CRYBG3: variants seen among roughly 807,000 people sequenced by gnomAD.
CRYBG3 encodes crystallin beta-gamma domain containing 3.
CRYBG3 carries 127 observed loss-of-function variants against 244.2 expected under a neutral mutation model. The ratio of observed to expected loss-of-function variants is 0.52; its 90% CI spans 0.45 to 0.60. The LOEUF (loss-of-function observed/expected upper bound fraction) is 0.60. Ranked by LOEUF, CRYBG3 falls within the 20% of genes least tolerant of loss-of-function variation. CRYBG3 has a pLI of 0.00. For missense variants in CRYBG3, 3,325 were observed against 3,442.5 expected, an observed-to-expected ratio of 0.97 and a Z score of 0.85; for synonymous variants, 1,132 against 1,195.8, an observed-to-expected ratio of 0.95 and a Z score of 1.10.
At position 97,890,615 on chromosome 3, in the gene CRYBG3, G is replaced by C. The variant is rs16838976; in HGVS notation, c.7440+1225G>C. Among the ~76,000 whole-genome samples the C allele has an allele frequency of 0.02, 3,014 of 152,214 alleles. 175 individuals carry two copies. In the East Asian group the frequency reaches 0.23, roughly 12 times the overall value. ...ATAAAACTTTGTCATCTCAAATATAGTACCCTGTGCAAACCTAACATGGAA... is the reference window on the plus strand; with the variant it reads ...ATAAAACTTTGTCATCTCAAATATACTACCCTGTGCAAACCTAACATGGAA... On this transcript the variant is annotated intron_variant, in intron 10 of 21. Coordinates refer to ENST00000389622, the MANE Select transcript of CRYBG3 (RefSeq NM_153605.4).
Position 97,941,324 on chromosome 3 carries a change from T to C in CRYBG3, c.8664+18T>C, listed in dbSNP as rs555000340. 9.3e-5 allele frequency: 147 copies of C among 1,573,202 alleles called. No homozygotes were observed. The highest frequency in any genetic ancestry group is 1.1e-4 in the Non-Finnish European group (130 of 1,155,338). On this transcript the variant is annotated intron_variant, in intron 20 of 21. Transcript: ENST00000389622. The stretch of plus-strand genomic sequence containing the variant: ...AATCCAAGGTAAGCAATCCCACTGA[T>C]ACAGTATGCCACTTTCTGGTCTGTT...
At chr3:97,942,134 CT>C in intron 20 of CRYBG3, 149 bp from the exon 21 acceptor site, 1 of 523,204 alleles carries the variant, frequency 1.9e-6, no homozygotes, top group East Asian at 3.3e-5. Context: ...TTAAAAAAGG[CT>C]TACTGAAATT....
intron 3 of CRYBG3, among the ~76,000 whole-genome samples, chr3:97,869,317 T>C (rs2039273624): frequency 6.6e-6 from 1 of 152,170 alleles, no homozygotes; most frequent in African/African-American, 2.4e-5. Flanking sequence ...GAATAAAACA[T>C]GATACATTAT....
In CRYBG3 at chr3:97,898,957, G is replaced by A. The variant is rs1293944314; in HGVS notation, c.7776G>A (p.Gln2592=). 1 of 1,612,486 alleles carries A rather than the reference G, an allele frequency of 6.2e-7. No individual in the cohort carries two copies. The highest frequency in any genetic ancestry group is 8.5e-7 in the Non-Finnish European group (1 of 1,179,012). The change falls in exon 13 of 22, where the codon CAG becomes CAA. Residue 2592 remains glutamine, a synonymous_variant. Coordinates refer to ENST00000389622, the MANE Select transcript of CRYBG3 (RefSeq NM_153605.4). ...ESGKFIDITN[Q]EISDLEEIGF... ...GGAAGTTTATTGACATTACAAATCA[G>A]GAAATTTCTGATTTGGAAGAAATTG... is the stretch of plus-strand genomic sequence containing the variant.
intron 1 of CRYBG3, among the ~76,000 whole-genome samples, chr3:97,831,402 A>G (rs2038651749): frequency 6.6e-6 from 1 of 152,126 alleles, no homozygotes; most frequent in Admixed American, 6.6e-5. Flanking sequence ...AGATAAGAGA[A>G]CTTCAGAGAA....
intron 2 of CRYBG3, among the ~76,000 whole-genome samples, chr3:97,858,598 T>C (rs1559721216): frequency 6.6e-6 from 1 of 152,158 alleles, no homozygotes; most frequent in Non-Finnish European, 1.5e-5. Flanking sequence ...ATCTAATCTA[T>C]TATTGATACT....
At position 97,899,223 on chromosome 3, in the gene CRYBG3, G is replaced by T. The variant is rs748619719; in HGVS notation, c.7931G>T (p.Gly2644Val). Residue 2644 changes from glycine to valine, a missense_variant, in exon 14 of 22, where the codon GGA (glycine) becomes GTA (valine). Coordinates refer to ENST00000389622, the MANE Select transcript of CRYBG3 (RefSeq NM_153605.4). ...GKYKCFFDWG[G>V]SNNIIMSIRP... ...TACAAATGCTTTTTTGACTGGGGAG[G>T]ATCAAATAATATAATCATGTCGATA... The T allele has an allele frequency of 2.5e-6, 4 of 1,613,646 alleles. No individual in the cohort carries two copies. The highest frequency in any genetic ancestry group is 1.3e-5 in the African/African-American group (1 of 74,990).
chr3:97,889,525 G>A (rs540388680), intron 10 of CRYBG3, 135 bp downstream of exon 10: 3 of 721,590 alleles, frequency 4.2e-6, no homozygotes, highest in Admixed American at 4.7e-5. Context: ...GGGGAGGTGG[G>A]AAGTGAATGC....
At chr3:97,902,494 TAA>T (rs35061161) in intron 15 of CRYBG3, among the ~76,000 whole-genome samples, 4 of 146,774 alleles carry the variant, frequency 2.7e-5, no homozygotes, top group Non-Finnish European at 4.5e-5. Flanking sequence ...TTATTTCTTC[TAA>T]AAAAAAAAAG....
At chr3:97,899,746 A>G (rs749937203) in intron 14 of CRYBG3, among the ~76,000 whole-genome samples, 4 of 152,136 alleles carry the variant, frequency 2.6e-5, no homozygotes, top group Non-Finnish European at 5.9e-5. Context: ...GATAAAACCA[A>G]TTTTTCTAGG....
chr3:97,928,821 A>G (rs1040912403), intron 17 of CRYBG3, among the ~76,000 whole-genome samples: 2 of 151,952 alleles, frequency 1.3e-5, no homozygotes, highest in African/African-American at 4.8e-5. Flanking sequence ...TGACTAGGAA[A>G]AAAATTTTTG....
intron 2 of CRYBG3, among the ~76,000 whole-genome samples, chr3:97,863,834 A>G (rs1489446151): frequency 6.6e-6 from 1 of 152,110 alleles, no homozygotes; most frequent in Admixed American, 6.5e-5. Context: ...TTAGGAGCTG[A>G]CACCTCACTA....
intron 10 of CRYBG3, among the ~76,000 whole-genome samples, chr3:97,889,951 G>A (rs1424000511): frequency 2.6e-5 from 4 of 152,102 alleles, no homozygotes; most frequent in Non-Finnish European, 4.4e-5. Context: ...AGAGAGAGAA[G>A]GCAAACCAGT....
In CRYBG3 at chr3:97,822,213, A is replaced by G. The variant is rs2038509909; in HGVS notation, c.7A>G (p.Ser3Gly). The G allele has an allele frequency of 1.3e-6, 2 of 1,521,502 alleles. No homozygotes were observed. The highest frequency in any genetic ancestry group is 2.8e-5 in the African/African-American group (2 of 72,268). 94.3% of individuals were successfully genotyped at this position (1,521,502 alleles called of 1,614,324 possible). ...CCAGCGGCCCCCTCGGGAAATGTCC[A>G]GCGGCCGCAGAAGGGGCAGCGCCCC... MS[S>G]GRRRGSAPWH... Residue 3 changes from serine (S) to glycine (G), a missense_variant, in exon 1 of 22, where the codon AGC becomes GGC. This residue lies in a region of CRYBG3 where 1,526 missense variants were observed against 1,443.2 expected (regional missense o/e 1.06). Coordinates refer to ENST00000389622, the MANE Select transcript of CRYBG3 (RefSeq NM_153605.4).
chr3:97,838,000 G>A (rs2038758328), intron 1 of CRYBG3, among the ~76,000 whole-genome samples: 1 of 152,090 alleles, frequency 6.6e-6, no homozygotes, highest in African/African-American at 2.4e-5. Context: ...TCCACTGAGT[G>A]TACCCTTTGT....
chr3:97,876,025 G>A lies in CRYBG3; in HGVS notation c.4831G>A (p.Gly1611Arg). 2 of 1,231,980 alleles carry A rather than the reference G, an allele frequency of 1.6e-6. No homozygotes were observed. The highest frequency in any genetic ancestry group is 2.0e-6 in the Non-Finnish European group (2 of 987,922). The allele number at this position is 1,231,980 out of a possible 1,614,324, so 76.3% of individuals were successfully genotyped here. Residue 1611 changes from glycine (G) to arginine (R), a missense_variant, in exon 4 of 22, where the codon GGA becomes AGA. This residue lies in a region of CRYBG3 where 635 missense variants were observed against 771.7 expected (regional missense o/e 0.82). Transcript: ENST00000389622. ...CGAGAGCTGTATTGAAAAAACTGAG[G>A]GATCAGCTGTCATTTTAGGAATGGA... ...DAESCIEKTE[G>R]SAVILGMEKA...
At chr3:97,882,032 A>C (rs758465661) in intron 7 of CRYBG3, among the ~76,000 whole-genome samples, 4 of 151,832 alleles carry the variant, frequency 2.6e-5, no homozygotes, top group Non-Finnish European at 5.9e-5. Flanking sequence ...AACATGGTGA[A>C]ACCCTGTCTC....
rs571102461 is a variant in CRYBG3, at chr3:97,838,547, C to T, written c.150-4648C>T. On this transcript the variant is annotated intron_variant, in intron 1 of 21. Coordinates refer to ENST00000389622, the MANE Select transcript of CRYBG3 (RefSeq NM_153605.4). ...AAATCTGTTTGAGAAACATAGATGC[C>T]TCAGGTGATTCTGATGCATATAGAC... 2.0e-5 allele frequency among the ~76,000 whole-genome samples: 3 copies of T among 152,148 alleles called. No homozygotes were observed. The East Asian group carries it at 5.8e-4, about 30-fold the overall frequency.
chr3:97,927,977 AC>A (rs1382437492), intron 17 of CRYBG3, among the ~76,000 whole-genome samples: 1 of 152,100 alleles, frequency 6.6e-6, no homozygotes, highest in African/African-American at 2.4e-5. Context: ...TAGTTCATCC[AC>A]TGTGGCAAGC....
Sources: allele counts gnomAD v4.1 joint callset (sites outside exome capture counted in the v4.1 genomes callset), GRCh38; gene constraint gnomAD v4.1.1; regional missense constraint gnomAD v4.1.1; transcripts MANE v1.5; gene names NCBI Gene and HGNC (gene_info 2026-07-23, HGNC 2026-07-21).